Variants in CPB1 observed in about 807,000 individuals in gnomAD.
CPB1 encodes carboxypeptidase B.
CPB1 carries 53 observed loss-of-function variants against 51.4 expected under a neutral mutation model. The ratio of observed to expected loss-of-function variants is 1.03; its 90% CI spans 0.83 to 1.30. The LOEUF is 1.30. Ranked by LOEUF, CPB1 falls within the 50% of genes most tolerant of loss-of-function variation. The pLI, the probability that CPB1 is intolerant of heterozygous loss-of-function variation, is 0.00. For missense variants in CPB1, 494 were observed against 516.2 expected (o/e 0.96, Z 0.42); for synonymous variants, 189 against 186.9 (o/e 1.01, Z -0.09).
chr3:148,847,005 T>A (rs1220614181), intron 9 of CPB1, among the ~76,000 whole-genome samples: 1 of 149,572 alleles, frequency 6.7e-6, no homozygotes, highest in African/African-American at 2.5e-5. Flanking sequence ...ATGTAGTTTG[T>A]ATAACTCATG....
At position 148,840,760 on chromosome 3, in the gene CPB1, A is replaced by T; in HGVS notation, c.347A>T (p.Tyr116Phe). The T allele has an allele frequency of 6.2e-7, 1 of 1,614,210 alleles. No homozygotes were observed. Among genetic ancestry groups the T allele is most frequent in the Non-Finnish European group, 8.5e-7 (1 of 1,180,012 alleles). Reference sequence around the variant, plus strand: ...CGGGTTCGTGCAACAGGACACAGTTATGAGAAGTACAACAAGTGGGAAACG... The same window carrying T: ...CGGGTTCGTGCAACAGGACACAGTTTTGAGAAGTACAACAAGTGGGAAACG... ...DSRVRATGHS[Y>F]EKYNKWETIE... The change falls in exon 4 of 11, where the codon TAT becomes TTT. Residue 116 changes from tyrosine to phenylalanine, a missense_variant. Transcript: ENST00000282957.
intron 8 of CPB1, 90 bp from the exon 9 acceptor site, chr3:148,845,334 T>C (rs2108016793): frequency 8.6e-7 from 1 of 1,159,942 alleles, no homozygotes; most frequent in Non-Finnish European, 1.3e-6. Flanking sequence ...AGGACTCCTA[T>C]GAAAACAACT....
rs151334624 is a variant in CPB1 at position 148,832,975 on chromosome 3, T to C, written c.148-1523T>C. Among the ~76,000 whole-genome samples, 129 of 152,268 alleles carry C rather than the reference T, an allele frequency of 8.5e-4. 1 individual carries two copies. The highest frequency in any genetic ancestry group is 3.0e-3 in the African/African-American group (123 of 41,558). On this transcript the variant is annotated intron_variant, in intron 2 of 10. Coordinates refer to ENST00000282957, the MANE Select transcript of CPB1 (RefSeq NM_001871.3). ...CATATCTCTCTCTCCCACCACACCA[T>C]AGAATGACAGGTGTTTATTAGGAAC... is the stretch of plus-strand genomic sequence containing the variant.
At chr3:148,836,683 G>A (rs1712915694) in intron 3 of CPB1, among the ~76,000 whole-genome samples, 6 of 152,102 alleles carry the variant, frequency 3.9e-5, no homozygotes, top group Admixed American at 3.9e-4. Flanking sequence ...TTGCTTCGCT[G>A]TTCACTGCTT....
chr3:148,846,739 ATAT>A (rs1713251816), intron 9 of CPB1, among the ~76,000 whole-genome samples: 1 of 2,508 alleles, frequency 4.0e-4, no homozygotes, highest in African/African-American at 4.5e-3. Context: ...GGCCAAAAAT[ATAT>A]ATATATATAT....
chr3:148,841,864 C>T lies in CPB1; in HGVS notation c.516C>T (p.Asp172=), dbSNP rs138120056. ...AGQNKPAIFM[D]CGFHAREWIS... ...AAAATAAGCCTGCCATTTTCATGGA[C>T]TGTGGTTTCCATGCCAGAGAGTGGA... The change falls in exon 6 of 11, where the codon GAC becomes GAT. Residue 172 remains aspartate (D), a synonymous_variant. Transcript: ENST00000282957. The T allele has an allele frequency of 2.2e-5, 36 of 1,613,838 alleles. No homozygotes were observed. The highest frequency in any genetic ancestry group is 5.0e-5 in the Admixed American group (3 of 59,992).
At chr3:148,850,332 C>T (rs1324465104) in intron 9 of CPB1, among the ~76,000 whole-genome samples, 3 of 152,068 alleles carry the variant, frequency 2.0e-5, no homozygotes, top group Non-Finnish European at 4.4e-5. Context: ...GACGGAGTCT[C>T]GCTCTATCAC....
chr3:148,847,613 A>G (rs930102129), intron 9 of CPB1, among the ~76,000 whole-genome samples: 5 of 152,112 alleles, frequency 3.3e-5, no homozygotes, highest in African/African-American at 9.7e-5. Flanking sequence ...AGGTAATAGT[A>G]AAAGAGATAC....
intron 2 of CPB1, among the ~76,000 whole-genome samples, chr3:148,831,502 C>T (rs1357289762): frequency 6.6e-6 from 1 of 152,068 alleles, no homozygotes; most frequent in Non-Finnish European, 1.5e-5. Context: ...TCCCCAACAC[C>T]AATATTTATT....
chr3:148,859,458 C>T (rs1713687108), intron 10 of CPB1, among the ~76,000 whole-genome samples: 1 of 152,178 alleles, frequency 6.6e-6, no homozygotes, highest in Admixed American at 6.5e-5. Context: ...GAGTTTTCTC[C>T]TCTTGCCAAT....
rs976655134 is a variant in CPB1, at chr3:148,845,622, A to G, written c.977A>G (p.Glu326Gly). 4 of 1,611,688 alleles carry G rather than the reference A, an allele frequency of 2.5e-6. No individual in the cohort carries two copies. The highest frequency in any genetic ancestry group is 1.7e-5 in the Admixed American group (1 of 59,984). Reference sequence around the variant, plus strand: ...TACAAACTCGGTGAGAACAATGCTGAGTTGGTAAGTAGCAAAGTAGTAGGT... The same window carrying G: ...TACAAACTCGGTGAGAACAATGCTGGGTTGGTAAGTAGCAAAGTAGTAGGT... ...YAYKLGENNA[E>G]LNALAKATVK... Residue 326 changes from glutamate to glycine, a missense_variant, in exon 9 of 11, where the codon GAG (glutamate) becomes GGG (glycine). Glu to Gly is a moderately conservative substitution (Grantham distance 98, BLOSUM62 -2). Transcript: ENST00000282957.
chr3:148,859,880 G>T lies in CPB1; in HGVS notation c.1132G>T (p.Glu378Ter), dbSNP rs1054286417. The T allele has an allele frequency of 1.2e-6, 2 of 1,613,888 alleles. No homozygotes were observed. The highest frequency in any genetic ancestry group is 1.6e-4 in the Middle Eastern group (1 of 6,084). The change falls in exon 11 of 11, where the codon GAA (glutamate) becomes TAA (stop). Residue 378 changes from glutamate to a stop codon, truncating the protein, a stop_gained. Coordinates refer to ENST00000282957, the MANE Select transcript of CPB1 (RefSeq NM_001871.3). LOFTEE classifies it high-confidence loss of function. ...DQGIRYSFTF[E>*]LRDTGRYGFL... is the part of the protein sequence containing the mutation. ...AGGAATCAGATATTCCTTCACCTTT[G>T]AACTTCGAGATACAGGCAGATATGG...
rs1184421018 is a variant in CPB1 at position 148,859,977 on chromosome 3, G to A, written c.1229G>A (p.Ser410Asn). The A allele has an allele frequency of 6.2e-7, 1 of 1,614,068 alleles. No individual in the cohort carries two copies. The highest frequency in any genetic ancestry group is 8.5e-7 in the Non-Finnish European group (1 of 1,179,960). Residue 410 changes from serine to asparagine, a missense_variant, in exon 11 of 11, where the codon AGC becomes AAC. Coordinates refer to ENST00000282957, the MANE Select transcript of CPB1 (RefSeq NM_001871.3). ...TTCCTGGCAATCAAGTATGTTGCCA[G>A]CTACGTCCTGGAACACCTGTACTAG... ...ETFLAIKYVA[S>N]YVLEHLY
intron 9 of CPB1, chr3:148,857,186 T>C: frequency 4.0e-6 from 1 of 248,530 alleles, no homozygotes; most frequent in Non-Finnish European, 7.8e-6. Context: ...CCTTGTCTCC[T>C]GCTTTTCTGT....
At chr3:148,856,330 C>T (rs1388270483) in intron 9 of CPB1, 1 of 152,122 alleles carries the variant, frequency 6.6e-6, no homozygotes. Flanking sequence ...AGTATTAATG[C>T]TATAGGAATT....
intron 2 of CPB1, 111 bp from the exon 3 acceptor site, chr3:148,834,387 T>C: frequency 9.6e-7 from 1 of 1,047,080 alleles, no homozygotes; most frequent in Non-Finnish European, 1.5e-6. Flanking sequence ...ACAGATTTCA[T>C]GGATGATTTG....
chr3:148,839,479 T>C (rs1713009001), intron 3 of CPB1, among the ~76,000 whole-genome samples: 1 of 152,222 alleles, frequency 6.6e-6, no homozygotes, highest in African/African-American at 2.4e-5. Context: ...TAGAAAATAT[T>C]TCTCCATGGA....
At position 148,841,936 on chromosome 3, in the gene CPB1, G is replaced by C; in HGVS notation, c.576+12G>C. The C allele has an allele frequency of 1.3e-6, 2 of 1,589,938 alleles. No homozygotes were observed. The highest frequency in any genetic ancestry group is 1.7e-6 in the Non-Finnish European group (2 of 1,160,236). ...GGTTTGTAAGAGAGGTCAGTGTGTA[G>C]AGTGGTTTTTGGCAAAGAGAAATGT... On this transcript the variant is annotated intron_variant, in intron 6 of 10. Transcript: ENST00000282957.
intron 2 of CPB1, among the ~76,000 whole-genome samples, chr3:148,830,083 G>A (rs1441488645): frequency 6.6e-6 from 1 of 152,100 alleles, no homozygotes; most frequent in East Asian, 1.9e-4. Flanking sequence ...CTGGCTCCCA[G>A]AGACCACAGC....
Sources: allele counts gnomAD v4.1 joint callset (sites outside exome capture counted in the v4.1 genomes callset), GRCh38; gene constraint gnomAD v4.1.1; transcripts MANE v1.5; gene names NCBI Gene and HGNC (gene_info 2026-07-23, HGNC 2026-07-21).